SYNE1: variants seen among roughly 807,000 people sequenced by gnomAD.
SYNE1 encodes spectrin repeat containing nuclear envelope protein 1.
SYNE1 carries 616 observed loss-of-function variants against 1,111.0 expected under a neutral mutation model. That is an observed-to-expected ratio of 0.55 (90% CI 0.52 to 0.59). The LOEUF (loss-of-function observed/expected upper bound fraction) is 0.59. SYNE1 is among the 20% of genes least tolerant of loss of function. SYNE1 has a pLI of 0.00. For missense variants in SYNE1, 10,006 were observed against 10,417.0 expected (o/e 0.96, Z 1.72); for synonymous variants, 3,855 against 3,825.8 (o/e 1.01, Z -0.28).
chr6:152,170,294 T>C (rs2064863316), intron 130 of SYNE1, among the ~76,000 whole-genome samples: 1 of 152,240 alleles, frequency 6.6e-6, no homozygotes, highest in Non-Finnish European at 1.5e-5. Context: ...ATATTTATAC[T>C]ATGGAATACT....
At chr6:152,173,773 TCTG>T (rs1341839213) in intron 130 of SYNE1, among the ~76,000 whole-genome samples, 2 of 152,188 alleles carry the variant, frequency 1.3e-5, no homozygotes, top group Non-Finnish European at 2.9e-5. Flanking sequence ...TGGAATTTTA[TCTG>T]GGTATTCTGA....
chr6:152,520,548 A>G lies in SYNE1; in HGVS notation c.226-6T>C. 1.2e-6 allele frequency: 2 copies of G among 1,613,626 alleles called. No individual in the cohort carries two copies. The highest frequency in any genetic ancestry group is 2.2e-5 in the South Asian group (2 of 91,078). ...CGGCGTCCTTGTTCACAAGGCTGTAAAAAGTGGGGTAAAAAAGGGAATGAG... is the reference window on the plus strand; with the variant it reads ...CGGCGTCCTTGTTCACAAGGCTGTAGAAAGTGGGGTAAAAAAGGGAATGAG... On this transcript the variant is annotated splice_region_variant and splice_polypyrimidine_tract_variant and intron_variant, in intron 5 of 145. Transcript: ENST00000367255.
chr6:152,520,226 A>T (rs923670572), intron 6 of SYNE1, among the ~76,000 whole-genome samples: 85 of 152,298 alleles, frequency 5.6e-4, no homozygotes, highest in African/African-American at 2.0e-3. Context: ...TAATTGTATT[A>T]TGGTTATGTA....
At chr6:152,304,361 G>A (rs1408645277) in intron 91 of SYNE1, among the ~76,000 whole-genome samples, 1 of 152,154 alleles carries the variant, frequency 6.6e-6, no homozygotes, top group Non-Finnish European at 1.5e-5. Flanking sequence ...TTGAGATGGA[G>A]TCTCGCTCTG....
intron 9 of SYNE1, among the ~76,000 whole-genome samples, chr6:152,503,178 CAT>C (rs139139826): frequency 2.5e-4 from 37 of 150,040 alleles, no homozygotes; most frequent in Middle Eastern, 3.5e-3. Flanking sequence ...CACTGAATGA[CAT>C]ATATATATAT....
At chr6:152,523,118 T>A (rs907684287) in intron 5 of SYNE1, among the ~76,000 whole-genome samples, 1 of 152,070 alleles carries the variant, frequency 6.6e-6, no homozygotes, top group Admixed American at 6.6e-5. Context: ...AGTAAAAAAT[T>A]ATTTGCCTAG....
At chr6:152,175,234 A>T (rs1226316507) in intron 130 of SYNE1, among the ~76,000 whole-genome samples, 1 of 152,186 alleles carries the variant, frequency 6.6e-6, no homozygotes, top group African/African-American at 2.4e-5. Flanking sequence ...GTTGATATAC[A>T]TTTATTCCAT....
chr6:152,448,927 A>C (rs1025622456), intron 28 of SYNE1, among the ~76,000 whole-genome samples: 2 of 152,210 alleles, frequency 1.3e-5, no homozygotes, highest in African/African-American at 4.8e-5. Context: ...CTATGTGGCA[A>C]CTTTGTGATG....
chr6:152,538,395 T>C (rs2099253891), intron 4 of SYNE1, among the ~76,000 whole-genome samples: 1 of 152,180 alleles, frequency 6.6e-6, no homozygotes, highest in East Asian at 1.9e-4. Context: ...TCTATTGTCA[T>C]GGATTGACGT....
chr6:152,428,971 C>T (rs865830671), intron 36 of SYNE1, among the ~76,000 whole-genome samples: 4 of 151,910 alleles, frequency 2.6e-5, no homozygotes, highest in Middle Eastern at 6.8e-3. Context: ...ATGCTAAATA[C>T]GTATTTAAAA....
chr6:152,395,407 C>T, intron 51 of SYNE1, 109 bp downstream of exon 51: 1 of 1,154,242 alleles, frequency 8.7e-7, no homozygotes, highest in Non-Finnish European at 1.3e-6. Flanking sequence ...CAGCACAAAC[C>T]ACTACCCACA....
chr6:152,216,722 C>T (rs775817567), intron 121 of SYNE1, among the ~76,000 whole-genome samples: 1 of 152,110 alleles, frequency 6.6e-6, no homozygotes, highest in African/African-American at 2.4e-5. Flanking sequence ...AATTTTCATG[C>T]CTGTTGAATT....
chr6:152,158,897 A>G (rs79015447), intron 131 of SYNE1, among the ~76,000 whole-genome samples: 4,609 of 152,318 alleles, frequency 0.03, 116 homozygotes, highest in African/African-American at 0.068. Context: ...CTAAGATTTG[A>G]GGGGATTTAT....
chr6:152,588,109 T>C (rs1275867995), intron 3 of SYNE1, among the ~76,000 whole-genome samples: 1 of 152,196 alleles, frequency 6.6e-6, no homozygotes, highest in African/African-American at 2.4e-5. Flanking sequence ...AACCTAGAGA[T>C]TTACACAGTC....
intron 3 of SYNE1, among the ~76,000 whole-genome samples, chr6:152,610,217 A>C (rs2128775405): frequency 6.6e-6 from 1 of 152,342 alleles, no homozygotes; most frequent in African/African-American, 2.4e-5. Context: ...GAGCATGTTC[A>C]AACCCATCGC....
chr6:152,520,970 G>A (rs537609174), intron 5 of SYNE1, among the ~76,000 whole-genome samples: 11 of 151,936 alleles, frequency 7.2e-5, no homozygotes, highest in Non-Finnish European at 1.6e-4. Flanking sequence ...AAGTATGAAA[G>A]CCATATCCCA....
At position 152,373,117 on chromosome 6, in the gene SYNE1, T is replaced by C. The variant is rs186719958; in HGVS notation, c.9427A>G (p.Ile3143Val). The stretch of plus-strand genomic sequence containing the variant: ...TTTGCAGCTGTAACTTTGGCCTGGA[T>C]CCCTTTCGCTTTCTCTTTGGTCAGC... ...TLLTKEKAKG[I>V]QAKVTAAKED... Residue 3143 changes from isoleucine to valine, a missense_variant, in exon 59 of 146, where the codon ATC becomes GTC. Transcript: ENST00000367255. 1 of 1,614,026 alleles carries C rather than the reference T, an allele frequency of 6.2e-7. No homozygotes were observed. Among genetic ancestry groups the C allele is most frequent in the African/African-American group, 1.3e-5 (1 of 74,936 alleles).
intron 100 of SYNE1, among the ~76,000 whole-genome samples, chr6:152,266,595 G>C (rs1005340105): frequency 6.6e-6 from 1 of 152,108 alleles, no homozygotes; most frequent in Non-Finnish European, 1.5e-5. Context: ...CAGTTTTAGG[G>C]TTATTTAAAG....
chr6:152,462,821 A>G lies in SYNE1; in HGVS notation c.2167T>C (p.Phe723Leu). Residue 723 changes from phenylalanine to leucine, a missense_variant, in exon 20 of 146, where the codon TTT (phenylalanine) becomes CTT (leucine). Around this residue, in one of 7 missense-constraint regions of SYNE1, gnomAD observed 1,971 missense variants for 2,084.1 expected, o/e 0.95. Coordinates refer to ENST00000367255, the MANE Select transcript of SYNE1 (RefSeq NM_182961.4). ...YTDCVVTLSA[F>L]ATEAHKKLSE... ...AGTTTCTTATGGGCTTCCGTTGCAAAAGCAGACAGGGTAACAACACAGTCT... is the reference window on the plus strand; with the variant it reads ...AGTTTCTTATGGGCTTCCGTTGCAAGAGCAGACAGGGTAACAACACAGTCT... 6.2e-7 allele frequency: 1 copy of G among 1,614,028 alleles called. No homozygotes were observed. Among genetic ancestry groups the G allele is most frequent in the South Asian group, 1.1e-5 (1 of 91,080 alleles).
Sources: allele counts gnomAD v4.1 joint callset (sites outside exome capture counted in the v4.1 genomes callset), GRCh38; gene constraint gnomAD v4.1.1; regional missense constraint gnomAD v4.1.1; transcripts MANE v1.5; gene names NCBI Gene and HGNC (gene_info 2026-07-23, HGNC 2026-07-21).